The following SYT16 variants were observed in gnomAD, a reference collection of about 807,000 sequenced individuals.
SYT16 encodes the protein synaptotagmin-16.
SYT16 carries 42 observed loss-of-function variants against 61.4 expected under a neutral mutation model. The observed-to-expected ratio is 0.68, with a 90% CI of 0.53 to 0.89. The LOEUF (loss-of-function observed/expected upper bound fraction) is 0.89. Ranked by LOEUF, SYT16 falls within the 40% of genes least tolerant of loss-of-function variation. SYT16 has a pLI of 0.00. For missense variants in SYT16, 804 were observed against 807.3 expected (o/e 1.00, Z 0.05); for synonymous variants, 314 against 302.3 (o/e 1.04, Z -0.40).
At chr14:61,897,466 T>C (rs1173368609) in intron 1 of SYT16, 1 of 152,144 alleles carries the variant, frequency 6.6e-6, no homozygotes, top group Admixed American at 6.5e-5. Context: ...CACCCCTCAT[T>C]TGTGGTTCTT....
At chr14:62,075,067 T>G (rs2056433490) in intron 4 of SYT16, 68 bp from the exon 5 acceptor site, 1 of 1,497,926 alleles carries the variant, frequency 6.7e-7, no homozygotes, top group Non-Finnish European at 9.0e-7. Flanking sequence ...CTGCAATTAC[T>G]CAATTTCTCT....
chr14:61,845,223 A>G (rs904399301), intron 1 of SYT16, among the ~76,000 whole-genome samples: 2 of 151,394 alleles, frequency 1.3e-5, no homozygotes, highest in Non-Finnish European at 2.9e-5. Flanking sequence ...AATTTTTTGT[A>G]TTTTTAGTAG....
rs536401935 is a variant in SYT16, at chr14:62,106,108, G to A, written c.*5401G>A. The A allele has an allele frequency of 1.3e-5, 2 of 152,184 alleles. No individual in the cohort carries two copies. Among genetic ancestry groups the A allele is most frequent in the Non-Finnish European group, 2.9e-5 (2 of 68,036 alleles). 9.4% of individuals were successfully genotyped at this position (152,184 alleles called of 1,614,324 possible). ...AGCATCCCTCTAAATCAAGTCTGGA[G>A]AATTATGTGAAGGTTGTTTCTCATT... On this transcript the variant is annotated 3_prime_UTR_variant, in exon 8 of 8. Transcript: ENST00000683842.
intron 2 of SYT16, among the ~76,000 whole-genome samples, chr14:61,986,493 G>A (rs2052320784): frequency 6.6e-6 from 1 of 151,068 alleles, no homozygotes; most frequent in Admixed American, 6.6e-5. Context: ...GGGTACATGT[G>A]CACAACATGC....
chr14:61,894,242 G>C (rs569685871), intron 1 of SYT16, among the ~76,000 whole-genome samples: 56 of 151,134 alleles, frequency 3.7e-4, no homozygotes, highest in Non-Finnish European at 6.3e-4. Flanking sequence ...CAGAGATTGC[G>C]CCATTGCACT....
chr14:62,037,617 T>C (rs1240700966), intron 3 of SYT16, among the ~76,000 whole-genome samples: 1 of 152,204 alleles, frequency 6.6e-6, no homozygotes, highest in South Asian at 2.1e-4. Flanking sequence ...TGAATAATCA[T>C]GTTTTAATTA....
At chr14:61,963,558 A>C (rs994510647) in intron 1 of SYT16, among the ~76,000 whole-genome samples, 1 of 152,216 alleles carries the variant, frequency 6.6e-6, no homozygotes, top group African/African-American at 2.4e-5. Flanking sequence ...GAAAAGCTTG[A>C]AGCCAGAAGA....
intron 7 of SYT16, among the ~76,000 whole-genome samples, chr14:62,095,674 GT>G (rs952619695): frequency 6.6e-6 from 1 of 151,654 alleles, no homozygotes; most frequent in Non-Finnish European, 1.5e-5. Context: ...AAAAACAACA[GT>G]TTTTTTTCCA....
At chr14:61,930,916 G>A (rs138939441) in intron 1 of SYT16, among the ~76,000 whole-genome samples, 496 of 152,266 alleles carry the variant, frequency 3.3e-3, no homozygotes, top group Non-Finnish European at 5.4e-3. Context: ...TAGTGCTTCT[G>A]GAATGGAATG....
At chr14:62,086,912 T>G (rs1283185443) in intron 7 of SYT16, among the ~76,000 whole-genome samples, 1 of 152,100 alleles carries the variant, frequency 6.6e-6, no homozygotes, top group Non-Finnish European at 1.5e-5. Flanking sequence ...AGAAAGCCAA[T>G]AGTGAAGACA....
chr14:61,909,777 T>A (rs17099333), intron 1 of SYT16, among the ~76,000 whole-genome samples: 26,897 of 152,076 alleles, frequency 0.18, 2,855 homozygotes, highest in East Asian at 0.33. Context: ...ATGGCCCGAG[T>A]TAGCTGAGAA....
rs2057404066 is a variant in SYT16 at position 62,100,903 on chromosome 14, A to G, written c.*196A>G. 5.1e-6 allele frequency: 3 copies of G among 589,164 alleles called. No homozygotes were observed. Among genetic ancestry groups the G allele is most frequent in the African/African-American group, 1.9e-5 (1 of 53,818 alleles). The allele number at this position is 589,164 out of a possible 1,614,324, so 36.5% of individuals were successfully genotyped here. ...ATATTGTAATTTTAAAAACACACATACACAGTGAAGTGTCCGTATGGAAAA... is the reference window on the plus strand; with the variant it reads ...ATATTGTAATTTTAAAAACACACATGCACAGTGAAGTGTCCGTATGGAAAA... On this transcript the variant is annotated 3_prime_UTR_variant, in exon 8 of 8. Coordinates refer to ENST00000683842, the MANE Select transcript of SYT16 (RefSeq NM_001367656.1).
At chr14:62,080,096 G>T (rs2056654619) in intron 5 of SYT16, among the ~76,000 whole-genome samples, 1 of 152,186 alleles carries the variant, frequency 6.6e-6, no homozygotes, top group Non-Finnish European at 1.5e-5. Context: ...GTAGAGTTAT[G>T]ATTTCAATTT....
intron 1 of SYT16, among the ~76,000 whole-genome samples, chr14:61,883,710 A>G (rs2047786497): frequency 6.6e-6 from 1 of 152,122 alleles, no homozygotes; most frequent in Admixed American, 6.5e-5. Flanking sequence ...CTTGGTACCA[A>G]TTTACTGTAT....
chr14:62,011,457 C>G (rs982224311), intron 3 of SYT16, among the ~76,000 whole-genome samples: 68 of 152,114 alleles, frequency 4.5e-4, no homozygotes, highest in African/African-American at 1.6e-3. Context: ...TGGCTTGATT[C>G]ACGTGGCTTG....
intron 3 of SYT16, among the ~76,000 whole-genome samples, chr14:62,020,094 T>C (rs1173236993): frequency 6.6e-6 from 1 of 152,210 alleles, no homozygotes; most frequent in Non-Finnish European, 1.5e-5. Context: ...ATAAATCACA[T>C]GTAGTGGTTC....
Position 61,973,878 on chromosome 14 carries a change from A to G in SYT16, c.-145+3567A>G, listed in dbSNP as rs543384358. Among the ~76,000 whole-genome samples the G allele has an allele frequency of 1.1e-4, 17 of 152,310 alleles. 1 individual carries two copies. The highest frequency in any genetic ancestry group is 5.9e-4 in the Admixed American group (9 of 15,296). The stretch of plus-strand genomic sequence containing the variant: ...GTGAAAGGAAAGAGGTTTGGAGACC[A>G]TGAAGTGTTTCCTGGACCAGACCCT... On this transcript the variant is annotated intron_variant, in intron 2 of 7. Transcript: ENST00000683842.
intron 1 of SYT16, among the ~76,000 whole-genome samples, chr14:61,814,423 T>C (rs1441613334): frequency 6.6e-6 from 1 of 152,226 alleles, no homozygotes; most frequent in African/African-American, 2.4e-5. Flanking sequence ...CCAGCAACTG[T>C]GCATCACACA....
intron 3 of SYT16, among the ~76,000 whole-genome samples, chr14:62,053,790 G>A (rs955654238): frequency 3.3e-5 from 5 of 152,182 alleles, no homozygotes; most frequent in Non-Finnish European, 5.9e-5. Context: ...TGACAATTAT[G>A]AAAATGAATG....
Sources: gnomAD v4.1 joint callset for allele counts (sites outside exome capture counted in the v4.1 genomes callset) on GRCh38, gnomAD v4.1.1 for gene constraint, MANE v1.5 for transcripts, NCBI Gene and HGNC (gene_info 2026-07-23, HGNC 2026-07-21) for gene names.